The following ADGRB3 variants were observed in gnomAD, a reference collection of about 807,000 sequenced individuals.
The protein encoded by ADGRB3 is brain-specific angiogenesis inhibitor 3.
Under a neutral mutation model 193.4 loss-of-function variants are expected in ADGRB3, and 37 were observed. That is an observed-to-expected ratio of 0.19 (90% CI 0.15 to 0.25). The LOEUF (loss-of-function observed/expected upper bound fraction) is 0.25. Ranked by LOEUF, ADGRB3 falls within the 10% of genes least tolerant of loss-of-function variation. The probability of loss-of-function intolerance (pLI) is 1.00; values close to 1 mark genes in which losing one functional copy is unlikely to be tolerated. For synonymous variants in ADGRB3, 690 were observed against 644.2 expected, an observed-to-expected ratio of 1.07 and a Z score of -1.08; for missense variants, 1,637 against 1,852.9, an observed-to-expected ratio of 0.88 and a Z score of 2.14.
intron 3 of ADGRB3, among the ~76,000 whole-genome samples, chr6:68,763,301 G>A (rs1219602019): frequency 6.6e-6 from 1 of 152,152 alleles, no homozygotes; most frequent in African/African-American, 2.4e-5. Flanking sequence ...TGTTGGCCAA[G>A]CTGGTCTTGA....
chr6:68,771,143 A>G (rs566291223), intron 3 of ADGRB3, among the ~76,000 whole-genome samples: 2 of 152,168 alleles, frequency 1.3e-5, no homozygotes, highest in South Asian at 2.1e-4. Flanking sequence ...TTAATTTTAA[A>G]TTTTTGCTAT....
chr6:69,189,834 G>C (rs866688126), intron 17 of ADGRB3, among the ~76,000 whole-genome samples: 2 of 152,140 alleles, frequency 1.3e-5, no homozygotes, highest in Non-Finnish European at 2.9e-5. Context: ...CCGTAGTAAT[G>C]TTGTATACCA....
intron 10 of ADGRB3, among the ~76,000 whole-genome samples, chr6:68,992,498 T>C (rs918097107): frequency 2.6e-5 from 4 of 152,122 alleles, no homozygotes; most frequent in Non-Finnish European, 4.4e-5. Flanking sequence ...ACTACAGAGA[T>C]AGGTAAAAGC....
chr6:69,093,570 G>A (rs6913677), intron 17 of ADGRB3, among the ~76,000 whole-genome samples: 48,075 of 151,146 alleles, frequency 0.32, 9,308 homozygotes, highest in East Asian at 0.86. Flanking sequence ...GGAGAGGGGC[G>A]AGAGGCCAAG....
intron 3 of ADGRB3, among the ~76,000 whole-genome samples, chr6:68,762,511 G>T (rs1348249529): frequency 6.6e-6 from 1 of 151,788 alleles, no homozygotes. Flanking sequence ...GAGAGAGAGA[G>T]TGATAGAGGT....
At chr6:68,944,118 T>C in intron 6 of ADGRB3, 124 bp downstream of exon 6, 1 of 1,076,928 alleles carries the variant, frequency 9.3e-7, no homozygotes. Context: ...TCCTTTTCAT[T>C]GTATCTTGCC....
At chr6:69,373,957 C>T (rs1176871006) in intron 30 of ADGRB3, among the ~76,000 whole-genome samples, 1 of 152,016 alleles carries the variant, frequency 6.6e-6, no homozygotes, top group Non-Finnish European at 1.5e-5. Context: ...TTCATCTATT[C>T]TCTATGGCAA....
intron 3 of ADGRB3, among the ~76,000 whole-genome samples, chr6:68,689,157 C>A (rs937063869): frequency 6.6e-6 from 1 of 152,158 alleles, no homozygotes; most frequent in African/African-American, 2.4e-5. Flanking sequence ...AAGTTGTCAG[C>A]TACCCAATGC....
intron 16 of ADGRB3, among the ~76,000 whole-genome samples, chr6:69,064,025 G>A (rs1015771188): frequency 6.6e-6 from 1 of 151,572 alleles, no homozygotes; most frequent in Non-Finnish European, 1.5e-5. Flanking sequence ...ATTATCCCAA[G>A]CCCATATAGT....
In ADGRB3 at chr6:69,262,642, G is replaced by A. The variant is rs186536216; in HGVS notation, c.2814+23416G>A. 1.7e-3 allele frequency among the ~76,000 whole-genome samples: 252 copies of A among 151,882 alleles called. 1 individual carries two copies. The highest frequency in any genetic ancestry group is 5.6e-3 in the African/African-American group (233 of 41,484). On this transcript the variant is annotated intron_variant, in intron 20 of 31. Coordinates refer to ENST00000370598, the MANE Select transcript of ADGRB3 (RefSeq NM_001704.3). ...TTTTGTCTCTGGTTTTACTTTCTGC[G>A]GTTCCAGTTACCAGTGGTTAAAGTA...
chr6:69,117,378 A>G (rs2150328115), intron 17 of ADGRB3, among the ~76,000 whole-genome samples: 1 of 152,320 alleles, frequency 6.6e-6, no homozygotes, highest in African/African-American at 2.4e-5. Context: ...AAGTTTAGGT[A>G]TGTTATTCCA....
intron 17 of ADGRB3, among the ~76,000 whole-genome samples, chr6:69,132,394 C>T (rs1774035628): frequency 1.3e-5 from 2 of 152,274 alleles, no homozygotes; most frequent in South Asian, 4.1e-4. Flanking sequence ...AGCTTTTCTC[C>T]ATATGTTTGT....
chr6:68,953,274 C>T (rs1317613161), intron 6 of ADGRB3, among the ~76,000 whole-genome samples: 1 of 152,158 alleles, frequency 6.6e-6, no homozygotes, highest in Non-Finnish European at 1.5e-5. Context: ...AAGGACATCA[C>T]ATAGTCCTTT....
At chr6:68,937,178 A>G (rs1767507502) in intron 5 of ADGRB3, among the ~76,000 whole-genome samples, 1 of 152,148 alleles carries the variant, frequency 6.6e-6, no homozygotes, top group Admixed American at 6.6e-5. Flanking sequence ...AGTAACTTTC[A>G]TCATCAGAGG....
intron 10 of ADGRB3, among the ~76,000 whole-genome samples, chr6:68,989,715 A>T (rs970143029): frequency 6.6e-6 from 1 of 152,166 alleles, no homozygotes; most frequent in African/African-American, 2.4e-5. Flanking sequence ...ATTTAAATCT[A>T]GGTTTTATTA....
intron 17 of ADGRB3, among the ~76,000 whole-genome samples, chr6:69,117,192 T>C (rs187438048): frequency 6.6e-6 from 1 of 152,220 alleles, no homozygotes; most frequent in Non-Finnish European, 1.5e-5. Flanking sequence ...GATACAGATA[T>C]AATATAGTTA....
chr6:68,675,757 G>C (rs1363197526), intron 3 of ADGRB3, among the ~76,000 whole-genome samples: 1 of 152,086 alleles, frequency 6.6e-6, no homozygotes, highest in Non-Finnish European at 1.5e-5. Context: ...CCTTCCTGTG[G>C]AAGAGCCCTC....
chr6:69,215,476 G>GTA (rs1765756303), intron 17 of ADGRB3, among the ~76,000 whole-genome samples: 1 of 151,968 alleles, frequency 6.6e-6, no homozygotes, highest in Non-Finnish European at 1.5e-5. Flanking sequence ...GTGTGTGTGT[G>GTA]TGTGTGTAGA....
intron 3 of ADGRB3, among the ~76,000 whole-genome samples, chr6:68,824,805 C>A (rs917400866): frequency 4.0e-5 from 6 of 151,470 alleles, no homozygotes; most frequent in Non-Finnish European, 8.8e-5. Flanking sequence ...TGTATTCTAT[C>A]ATTTAAAAAT....
Sources: gnomAD v4.1 joint callset for allele counts (sites outside exome capture counted in the v4.1 genomes callset) on GRCh38, gnomAD v4.1.1 for gene constraint, MANE v1.5 for transcripts, NCBI Gene and HGNC (gene_info 2026-07-23, HGNC 2026-07-21) for gene names.